LAMB1: variants seen among roughly 807,000 people sequenced by gnomAD.
The protein encoded by LAMB1 is laminin subunit beta-1.
Under a neutral mutation model 222.3 loss-of-function variants are expected in LAMB1, and 121 were observed. The ratio of observed to expected loss-of-function variants is 0.54; its 90% CI spans 0.47 to 0.63. LAMB1 has a LOEUF of 0.63. Ranked by LOEUF, LAMB1 falls within the 30% of genes least tolerant of loss-of-function variation. The pLI is 0.00. For synonymous variants in LAMB1, 794 were observed against 807.2 expected (o/e 0.98, Z 0.28); for missense variants, 2,172 against 2,240.8 (o/e 0.97, Z 0.62).
chr7:107,933,986 ATTT>A (rs1157502197), intron 27 of LAMB1, among the ~76,000 whole-genome samples: 1 of 147,772 alleles, frequency 6.8e-6, no homozygotes, highest in Non-Finnish European at 1.5e-5. Context: ...GTGATAACTG[ATTT>A]TTTTTTTTTA....
At chr7:107,936,758 C>T (rs954119071) in intron 26 of LAMB1, among the ~76,000 whole-genome samples, 1 of 151,790 alleles carries the variant, frequency 6.6e-6, no homozygotes, top group Admixed American at 6.6e-5. Flanking sequence ...AGTATTAATA[C>T]CTTAACTATT....
At chr7:107,994,747 A>G (rs2034252172) in intron 5 of LAMB1, 140 bp downstream of exon 5, 1 of 539,844 alleles carries the variant, frequency 1.9e-6, no homozygotes, top group Non-Finnish European at 3.3e-6. Context: ...CGTTTTAAAA[A>G]CTGCTCAATT....
chr7:107,929,802 C>A (rs945039981), intron 29 of LAMB1, 183 bp from the exon 30 acceptor site: 11 of 603,106 alleles, frequency 1.8e-5, no homozygotes, highest in African/African-American at 3.7e-5. Flanking sequence ...CCTACACACA[C>A]AAAAAAGTAA....
chr7:107,958,336 G>C lies in LAMB1; in HGVS notation c.2690+913C>G, dbSNP rs181979226. Among the ~76,000 whole-genome samples, 68 of 152,258 alleles carry C rather than the reference G, an allele frequency of 4.5e-4. No individual in the cohort carries two copies. In the South Asian group the frequency reaches 0.011, roughly 25 times the overall value. ...TGGGACCTCCAAATTCTTGAGTACCGTTCTAGCATTGAGCCGAGAGCCACG... is the reference window on the plus strand; with the variant it reads ...TGGGACCTCCAAATTCTTGAGTACCCTTCTAGCATTGAGCCGAGAGCCACG... On this transcript the variant is annotated intron_variant, in intron 20 of 33. Transcript: ENST00000222399.
At chr7:107,986,413 T>G in intron 5 of LAMB1, 50 bp from the exon 6 acceptor site, 1 of 1,486,246 alleles carries the variant, frequency 6.7e-7, no homozygotes, top group Non-Finnish European at 9.1e-7. Context: ...TGGTAGTCTC[T>G]ACTTTTTTTA....
At chr7:108,001,499 C>G in intron 3 of LAMB1, 59 bp downstream of exon 3, 1 of 1,500,024 alleles carries the variant, frequency 6.7e-7, no homozygotes, top group South Asian at 1.3e-5. Flanking sequence ...GGGCCTGCCC[C>G]TTAGGTCTGG....
intron 16 of LAMB1, 76 bp from the exon 17 acceptor site, chr7:107,961,405 A>AC: frequency 2.5e-6 from 4 of 1,585,584 alleles, no homozygotes; most frequent in Non-Finnish European, 3.4e-6. Flanking sequence ...TTAAAAACAA[A>AC]GCTCTGCATC....
At chr7:107,987,891 A>T (rs915953098) in intron 5 of LAMB1, among the ~76,000 whole-genome samples, 3 of 152,216 alleles carry the variant, frequency 2.0e-5, no homozygotes, top group Admixed American at 6.6e-5. Flanking sequence ...CGGGGCAGGT[A>T]AGAAGTTGCC....
chr7:107,940,607 A>T, intron 24 of LAMB1: 1 of 499,694 alleles, frequency 2.0e-6, no homozygotes, highest in Non-Finnish European at 3.6e-6. Context: ...ATCCCATTTA[A>T]CTCTCACAAT....
intron 7 of LAMB1, among the ~76,000 whole-genome samples, chr7:107,984,916 CTGTA>C (rs1260315013): frequency 4.6e-5 from 7 of 152,118 alleles, no homozygotes; most frequent in Non-Finnish European, 1.0e-4. Flanking sequence ...GGGCATCATC[CTGTA>C]TTTTATCTGG....
chr7:107,930,330 A>G (rs2032675117), intron 29 of LAMB1, among the ~76,000 whole-genome samples: 1 of 152,256 alleles, frequency 6.6e-6, no homozygotes, highest in Non-Finnish European at 1.5e-5. Context: ...TATTGAACAT[A>G]AAAATGGACC....
At chr7:107,997,821 T>C (rs2034308675) in intron 4 of LAMB1, among the ~76,000 whole-genome samples, 1 of 152,210 alleles carries the variant, frequency 6.6e-6, no homozygotes, top group Non-Finnish European at 1.5e-5. Flanking sequence ...GTGTAATTCA[T>C]GCAATCACTG....
chr7:107,928,087 CAA>C (rs1276228178), intron 31 of LAMB1, among the ~76,000 whole-genome samples: 1 of 152,056 alleles, frequency 6.6e-6, no homozygotes, highest in Non-Finnish European at 1.5e-5. Flanking sequence ...TTCTGAGAAA[CAA>C]AAGAATTTAA....
chr7:108,002,807 C>A, intron 2 of LAMB1, 42 bp downstream of exon 2: 1 of 1,613,714 alleles, frequency 6.2e-7, no homozygotes, highest in Non-Finnish European at 8.5e-7. Flanking sequence ...CTTCCCCATG[C>A]CCAAGTCCGT....
intron 2 of LAMB1, 79 bp from the exon 3 acceptor site, chr7:108,001,812 G>T: frequency 6.3e-7 from 1 of 1,576,220 alleles, no homozygotes; most frequent in South Asian, 1.2e-5. Context: ...AGCGGGGGCG[G>T]GGGAGTGGGT....
intron 4 of LAMB1, among the ~76,000 whole-genome samples, chr7:107,997,647 T>C (rs562809219): frequency 1.3e-5 from 2 of 152,340 alleles, no homozygotes; most frequent in Admixed American, 6.5e-5. Context: ...TAACAGTACA[T>C]TGTTAATTAA....
At chr7:107,968,887 ATAT>A in intron 13 of LAMB1, among the ~76,000 whole-genome samples, 1 of 152,318 alleles carries the variant, frequency 6.6e-6, no homozygotes, top group Non-Finnish European at 1.5e-5. Context: ...TAATAAACTT[ATAT>A]TGTTTTAAAC....
At chr7:107,964,118 G>T (rs183810881) in intron 14 of LAMB1, among the ~76,000 whole-genome samples, 2 of 152,226 alleles carry the variant, frequency 1.3e-5, no homozygotes, top group Admixed American at 1.3e-4. Context: ...AAAAAGAAAG[G>T]TCGTGTTCGT....
At position 107,955,517 on chromosome 7, in the gene LAMB1, T is replaced by A. The variant is rs754227346; in HGVS notation, c.2804A>T (p.Gln935Leu). The stretch of plus-strand genomic sequence containing the variant: ...GGCAAGCTGTAAAGTAACAGGATCT[T>A]GGTAGCAGCTCCTGGCAAACTGGCG... ...SGRQFARSCY[Q>L]DPVTLQLACV... Residue 935 changes from glutamine (Q) to leucine (L), a missense_variant, in exon 21 of 34, where the codon CAA becomes CTA. Coordinates refer to ENST00000222399, the MANE Select transcript of LAMB1 (RefSeq NM_002291.3). The A allele has an allele frequency of 6.2e-7, 1 of 1,614,096 alleles. No individual in the cohort carries two copies. The highest frequency in any genetic ancestry group is 1.1e-5 in the South Asian group (1 of 91,074).
Sources: gnomAD v4.1 joint callset for allele counts (sites outside exome capture counted in the v4.1 genomes callset) on GRCh38, gnomAD v4.1.1 for gene constraint, MANE v1.5 for transcripts, NCBI Gene and HGNC (gene_info 2026-07-23, HGNC 2026-07-21) for gene names.